Variants in LRRC7 observed in about 807,000 individuals in gnomAD.
LRRC7 encodes the protein leucine rich repeat containing 7.
LRRC7 carries 23 observed loss-of-function variants against 175.7 expected under a neutral mutation model. The observed-to-expected ratio is 0.13, with a 90% CI of 0.09 to 0.19. The LOEUF is 0.19. Among genes scored for constraint, LRRC7 ranks in the 10% least tolerant of loss-of-function variants. LRRC7 has a pLI of 1.00. For synonymous variants in LRRC7, 685 were observed against 680.9 expected (o/e 1.01, Z -0.09); for missense variants, 1,354 against 1,904.7 (o/e 0.71, Z 5.38).
intron 2 of LRRC7, among the ~76,000 whole-genome samples, chr1:69,712,803 T>G (rs1054959217): frequency 6.6e-6 from 1 of 152,192 alleles, no homozygotes; most frequent in Non-Finnish European, 1.5e-5. Context: ...GCTTTATTTC[T>G]CTTGTATGAA....
intron 4 of LRRC7, among the ~76,000 whole-genome samples, chr1:69,799,735 T>C (rs1676241419): frequency 6.6e-6 from 1 of 152,142 alleles, no homozygotes; most frequent in East Asian, 1.9e-4. Context: ...TTTAGTTTAA[T>C]TGTCTCAATG....
chr1:69,683,865 T>C (rs1660796463), intron 2 of LRRC7, among the ~76,000 whole-genome samples: 1 of 146,234 alleles, frequency 6.8e-6, no homozygotes, highest in African/African-American at 2.5e-5. Context: ...TGTAAAAATA[T>C]CAGAAATTGG....
chr1:70,101,096 T>C (rs2220959), intron 25 of LRRC7, among the ~76,000 whole-genome samples: 23,324 of 152,090 alleles, frequency 0.15, 2,854 homozygotes, highest in African/African-American at 0.33. Context: ...TCAATATTGA[T>C]ATTGCCCACA....
chr1:69,738,685 G>C (rs1668384533), intron 2 of LRRC7, among the ~76,000 whole-genome samples: 1 of 152,066 alleles, frequency 6.6e-6, no homozygotes. Context: ...AATCAACATA[G>C]TTGGGGTTCT....
intron 1 of LRRC7, among the ~76,000 whole-genome samples, chr1:69,585,664 A>G (rs1336861993): frequency 6.6e-6 from 1 of 152,206 alleles, no homozygotes; most frequent in Non-Finnish European, 1.5e-5. Flanking sequence ...ACAAAAAGAG[A>G]TACTTTGAAA....
rs1423055746 is a variant in LRRC7 at position 69,799,109 on chromosome 1, T to A, written c.421+6949T>A. ...TATATACTCTGAATGCTAGTTTTTT[T>A]TTTTTTTTTGATTATGTGGGCTACA... On this transcript the variant is annotated intron_variant, in intron 4 of 26. Coordinates refer to ENST00000651989, the MANE Select transcript of LRRC7 (RefSeq NM_001370785.2). Among the ~76,000 whole-genome samples the A allele has an allele frequency of 2.0e-5, 3 of 151,890 alleles. No homozygotes were observed. The East Asian group carries it at 5.8e-4, about 29-fold the overall frequency.
At position 69,719,249 on chromosome 1, in the gene LRRC7, A is replaced by G. The variant is rs534976513; in HGVS notation, c.100+40771A>G. Among the ~76,000 whole-genome samples the G allele has an allele frequency of 5.9e-5, 9 of 151,902 alleles. No individual in the cohort carries two copies. In the South Asian group the frequency reaches 1.9e-3, roughly 31 times the overall value. The stretch of plus-strand genomic sequence containing the variant: ...GAGTGACAAATATTCTATTTGCCTC[A>G]GAAATGATAATTTCAGTCAGTATTT... On this transcript the variant is annotated intron_variant, in intron 2 of 26. Transcript: ENST00000651989.
chr1:69,727,578 A>T (rs1030123412), intron 2 of LRRC7, among the ~76,000 whole-genome samples: 6 of 152,136 alleles, frequency 3.9e-5, no homozygotes, highest in Admixed American at 1.3e-4. Flanking sequence ...TCCCATTAAT[A>T]CTTATGTGTA....
chr1:69,885,791 T>C (rs1488713009), intron 7 of LRRC7, among the ~76,000 whole-genome samples: 257 of 142,472 alleles, frequency 1.8e-3, no homozygotes, highest in African/African-American at 6.0e-3. Context: ...GCTTTGAATG[T>C]GTCCCAGAGA....
At chr1:69,944,712 C>G (rs1649122015) in intron 8 of LRRC7, among the ~76,000 whole-genome samples, 1 of 151,710 alleles carries the variant, frequency 6.6e-6, no homozygotes, top group Non-Finnish European at 1.5e-5. Context: ...GTTATAACAA[C>G]TGTGAGGTGA....
chr1:69,753,644 T>C (rs1670092435), intron 2 of LRRC7, among the ~76,000 whole-genome samples: 1 of 152,098 alleles, frequency 6.6e-6, no homozygotes. Flanking sequence ...AGTCATATTT[T>C]ACACCCGTAT....
intron 23 of LRRC7, among the ~76,000 whole-genome samples, chr1:70,066,280 G>A (rs1278674754): frequency 1.3e-5 from 2 of 151,860 alleles, no homozygotes. Context: ...CATCTGATAA[G>A]CAGAAATCTT....
At chr1:69,800,010 A>G (rs1275416177) in intron 4 of LRRC7, among the ~76,000 whole-genome samples, 1 of 152,022 alleles carries the variant, frequency 6.6e-6, no homozygotes, top group Non-Finnish European at 1.5e-5. Context: ...TCCTTTCCCC[A>G]GTGTATGTTT....
chr1:69,679,987 G>A (rs1660269144), intron 2 of LRRC7, among the ~76,000 whole-genome samples: 1 of 152,108 alleles, frequency 6.6e-6, no homozygotes, highest in African/African-American at 2.4e-5. Flanking sequence ...TACAAAGGAA[G>A]AATTGAGTAG....
At position 70,039,384 on chromosome 1, in the gene LRRC7, G is replaced by A. The variant is rs745938815; in HGVS notation, c.3560G>A (p.Arg1187Lys). 3 of 1,613,982 alleles carry A rather than the reference G, an allele frequency of 1.9e-6. No individual in the cohort carries two copies. Among genetic ancestry groups the A allele is most frequent in the East Asian group, 2.2e-5 (1 of 44,866 alleles). ...GATAGGTACGGCAGACCCCCATATA[G>A]GGGAGGGCTGGATCGCCAAAGCAGC... Reference protein sequence around the residue: ...PTDRYGRPPYRGGLDRQSSVT... With the variant: ...PTDRYGRPPYKGGLDRQSSVT... The change falls in exon 21 of 27, where the codon AGG becomes AAG. Residue 1187 changes from arginine (R) to lysine (K), a missense_variant. By Grantham distance (26) the Arg-to-Lys change is conservative (BLOSUM62 2). This residue lies in a region of LRRC7 where 1,032 missense variants were observed against 1,227.2 expected (regional missense o/e 0.84). Coordinates refer to ENST00000651989, the MANE Select transcript of LRRC7 (RefSeq NM_001370785.2).
At chr1:69,585,874 C>A (rs1277716227) in intron 1 of LRRC7, among the ~76,000 whole-genome samples, 3 of 152,180 alleles carry the variant, frequency 2.0e-5, no homozygotes, top group African/African-American at 7.2e-5. Context: ...TTTTAATTAG[C>A]AAACTGTTCC....
chr1:70,038,615 C>G lies in LRRC7; in HGVS notation c.2791C>G (p.Pro931Ala). The G allele has an allele frequency of 6.2e-7, 1 of 1,614,066 alleles. No homozygotes were observed. The highest frequency in any genetic ancestry group is 8.5e-7 in the Non-Finnish European group (1 of 1,179,992). ...ACCTAGTCCTTTTTCTCCAGGCGTA[C>G]CATGGGAGTATCATGATTCCAATCC... Reference protein sequence around the residue: ...EIPSPFSPGVPWEYHDSNPNR... With the variant: ...EIPSPFSPGVAWEYHDSNPNR... The change falls in exon 21 of 27, where the codon CCA (proline) becomes GCA (alanine). Residue 931 changes from proline (P) to alanine (A), a missense_variant. Transcript: ENST00000651989.
intron 8 of LRRC7, among the ~76,000 whole-genome samples, chr1:69,970,407 G>T (rs1456490743): frequency 2.6e-5 from 4 of 151,974 alleles, no homozygotes; most frequent in Non-Finnish European, 4.4e-5. Flanking sequence ...AAAGGAGAGA[G>T]AAAATCCAAA....
rs377671577 is a variant in LRRC7 at position 69,754,339 on chromosome 1, G to A, written c.101-5852G>A. Among the ~76,000 whole-genome samples the A allele has an allele frequency of 2.3e-4, 35 of 152,126 alleles. No homozygotes were observed. In the East Asian group the frequency reaches 5.8e-3, roughly 25 times the overall value. ...TTGAACTAGGTCAATAGGCAGTTGC[G>A]ATGAAGAAAAACAGGCTTGTTCAGG... On this transcript the variant is annotated intron_variant, in intron 2 of 26. Coordinates refer to ENST00000651989, the MANE Select transcript of LRRC7 (RefSeq NM_001370785.2).
Sources: allele counts gnomAD v4.1 joint callset (sites outside exome capture counted in the v4.1 genomes callset), GRCh38; gene constraint gnomAD v4.1.1; regional missense constraint gnomAD v4.1.1; transcripts MANE v1.5; gene names NCBI Gene and HGNC (gene_info 2026-07-23, HGNC 2026-07-21).